The following IGF1R variants were observed in gnomAD, a reference collection of about 807,000 sequenced individuals.
The protein encoded by IGF1R is insulin like growth factor 1 receptor, also known as insulin-like growth factor 1 receptor.
IGF1R carries 44 observed loss-of-function variants against 144.6 expected under a neutral mutation model. The ratio of observed to expected loss-of-function variants is 0.30; its 90% confidence interval spans 0.24 to 0.39. The LOEUF (loss-of-function observed/expected upper bound fraction) is 0.39, where lower values mean the gene tolerates loss of function less well. IGF1R is among the 10% of genes least tolerant of loss of function. The pLI, the probability that IGF1R is intolerant of heterozygous loss-of-function variation, is 1.00. For missense variants in IGF1R, 1,355 were observed against 1,833.7 expected (o/e 0.74, Z 4.77); for synonymous variants, 795 against 722.8 (o/e 1.10, Z -1.60).
At chr15:98,953,289 C>T (rs998746505) in intron 20 of IGF1R, among the ~76,000 whole-genome samples, 6 of 152,132 alleles carry the variant, frequency 3.9e-5, no homozygotes, top group African/African-American at 1.4e-4. Flanking sequence ...CTCCGTGGTC[C>T]CCAAGCCACA....
chr15:98,651,890 A>G (rs2052376668), intron 1 of IGF1R, among the ~76,000 whole-genome samples: 2 of 152,132 alleles, frequency 1.3e-5, no homozygotes, highest in Non-Finnish European at 1.5e-5. Context: ...TGAAATGTGG[A>G]GAATTAAAAG....
intron 2 of IGF1R, among the ~76,000 whole-genome samples, chr15:98,838,750 C>T (rs1008995460): frequency 4.6e-5 from 7 of 152,198 alleles, no homozygotes; most frequent in Admixed American, 6.5e-5. Context: ...GAAATAAGCC[C>T]GTGGCCAAAA....
At chr15:98,948,066 G>A (rs2016622969) in intron 19 of IGF1R, among the ~76,000 whole-genome samples, 1 of 152,180 alleles carries the variant, frequency 6.6e-6, no homozygotes, top group South Asian at 2.1e-4. Context: ...AACCACCTGG[G>A]TAGAGGTTTC....
chr15:98,844,117 TG>T (rs1451934537), intron 2 of IGF1R, among the ~76,000 whole-genome samples: 1 of 152,194 alleles, frequency 6.6e-6, no homozygotes, highest in Non-Finnish European at 1.5e-5. Flanking sequence ...TGGGCGGCAG[TG>T]GAATGTAAAA....
chr15:98,811,722 C>T (rs2056593418), intron 2 of IGF1R, among the ~76,000 whole-genome samples: 1 of 151,898 alleles, frequency 6.6e-6, no homozygotes, highest in Non-Finnish European at 1.5e-5. Context: ...GTCAGGAGAT[C>T]CAGACCATCC....
rs886051573 is a variant in IGF1R, at chr15:98,958,671, G to A, written c.*1229G>A. 7.1e-4 allele frequency: 164 copies of A among 230,550 alleles called. No individual in the cohort carries two copies. Among genetic ancestry groups the A allele is most frequent in the Non-Finnish European group, 1.8e-4 (21 of 116,712 alleles). The allele number at this position is 230,550 out of a possible 1,614,324, so 14.3% of individuals were successfully genotyped here. On this transcript the variant is annotated 3_prime_UTR_variant, in exon 21 of 21. Transcript: ENST00000650285. Reference sequence around the variant, plus strand: ...ATGTCACTTTTATAACTTTTTTACGGTTCAGATATTCATCTATACGTCTGT... The same window carrying A: ...ATGTCACTTTTATAACTTTTTTACGATTCAGATATTCATCTATACGTCTGT...
chr15:98,920,144 G>T (rs570973188), intron 10 of IGF1R, among the ~76,000 whole-genome samples: 2 of 152,292 alleles, frequency 1.3e-5, no homozygotes, highest in East Asian at 1.9e-4. Flanking sequence ...TTCCAATAGG[G>T]CTAGGTTGTA....
chr15:98,734,249 C>T (rs890878025), intron 2 of IGF1R, among the ~76,000 whole-genome samples: 7 of 152,144 alleles, frequency 4.6e-5, no homozygotes, highest in African/African-American at 7.2e-5. Flanking sequence ...GCATTCTGCT[C>T]AGTAGTATTA....
At chr15:98,725,163 G>A (rs1041985339) in intron 2 of IGF1R, among the ~76,000 whole-genome samples, 8 of 152,158 alleles carry the variant, frequency 5.3e-5, no homozygotes, top group African/African-American at 1.4e-4. Context: ...GAGGGGATTC[G>A]TGCAGTTTGC....
At chr15:98,900,487 G>A (rs2014426592) in intron 5 of IGF1R, 1 of 152,234 alleles carries the variant, frequency 6.6e-6, no homozygotes, top group Non-Finnish European at 1.5e-5. Context: ...GCCCCAACTG[G>A]ATAAAGTTAC....
At chr15:98,666,995 C>T (rs2052758443) in intron 1 of IGF1R, among the ~76,000 whole-genome samples, 1 of 151,912 alleles carries the variant, frequency 6.6e-6, no homozygotes, top group African/African-American at 2.4e-5. Flanking sequence ...TCAAGGAGAC[C>T]AGTCCTTGTC....
At chr15:98,831,248 C>A (rs1473275936) in intron 2 of IGF1R, among the ~76,000 whole-genome samples, 1 of 152,240 alleles carries the variant, frequency 6.6e-6, no homozygotes, top group Non-Finnish European at 1.5e-5. Context: ...TCACCCACAT[C>A]TGACCCTAGG....
At chr15:98,739,867 C>T (rs2054698428) in intron 2 of IGF1R, among the ~76,000 whole-genome samples, 1 of 152,202 alleles carries the variant, frequency 6.6e-6, no homozygotes. Flanking sequence ...GCTGGGATTA[C>T]AGGCCTGAGC....
chr15:98,749,745 T>G (rs954444133), intron 2 of IGF1R, among the ~76,000 whole-genome samples: 7 of 152,254 alleles, frequency 4.6e-5, no homozygotes, highest in Non-Finnish European at 1.0e-4. Context: ...GAGATTCGAT[T>G]TGGCTGCTGC....
At chr15:98,658,113 G>C (rs1173273397) in intron 1 of IGF1R, among the ~76,000 whole-genome samples, 5 of 152,162 alleles carry the variant, frequency 3.3e-5, no homozygotes, top group Non-Finnish European at 7.3e-5. Flanking sequence ...TGTGCTGTAG[G>C]GATCCACTGT....
At chr15:98,733,847 CT>C (rs996879004) in intron 2 of IGF1R, among the ~76,000 whole-genome samples, 1 of 152,136 alleles carries the variant, frequency 6.6e-6, no homozygotes, top group African/African-American at 2.4e-5. Flanking sequence ...TTGTTTGCCC[CT>C]AATCATCTCT....
chr15:98,700,589 ACTC>A (rs1010917709), intron 1 of IGF1R, among the ~76,000 whole-genome samples: 4 of 151,774 alleles, frequency 2.6e-5, no homozygotes, highest in South Asian at 2.1e-4. Flanking sequence ...GACTTTGAAC[ACTC>A]CTCCTACAAG....
intron 2 of IGF1R, among the ~76,000 whole-genome samples, chr15:98,826,760 C>T (rs1420330574): frequency 1.3e-5 from 2 of 152,196 alleles, no homozygotes. Context: ...CCTACTTTAG[C>T]TCTGTGCAGT....
chr15:98,785,235 A>T (rs891686295), intron 2 of IGF1R, among the ~76,000 whole-genome samples: 3 of 152,240 alleles, frequency 2.0e-5, no homozygotes, highest in Admixed American at 2.0e-4. Flanking sequence ...TCTTGTATAC[A>T]GAATGCTTTT....
Sources: gnomAD v4.1 joint callset for allele counts (sites outside exome capture counted in the v4.1 genomes callset) on GRCh38, gnomAD v4.1.1 for gene constraint, MANE v1.5 for transcripts, NCBI Gene and HGNC (gene_info 2026-07-23, HGNC 2026-07-21) for gene names.